Variants in PDSS2 observed in about 807,000 individuals in gnomAD.
PDSS2 encodes decaprenyl diphosphate synthase subunit 2, also known as all trans-polyprenyl-diphosphate synthase PDSS2.
A neutral mutation model predicts 44.5 loss-of-function variants in PDSS2; 31 were observed. The ratio of observed to expected loss-of-function variants is 0.70; its 90% CI spans 0.52 to 0.94. The LOEUF is 0.94. PDSS2 is among the 40% of genes least tolerant of loss of function. The pLI, the probability that PDSS2 is intolerant of heterozygous loss-of-function variation, is 0.00. For synonymous variants in PDSS2, 157 were observed against 180.3 expected, an observed-to-expected ratio of 0.87 and a Z score of 1.03; for missense variants, 452 against 482.2, an observed-to-expected ratio of 0.94 and a Z score of 0.59.
intron 2 of PDSS2, among the ~76,000 whole-genome samples, chr6:107,313,361 T>C (rs1777103601): frequency 6.6e-6 from 1 of 152,164 alleles, no homozygotes; most frequent in Non-Finnish European, 1.5e-5. Flanking sequence ...ACTTTATTTA[T>C]TTATTTATTG....
At chr6:107,341,308 GT>G (rs1205599867) in intron 1 of PDSS2, among the ~76,000 whole-genome samples, 1 of 152,196 alleles carries the variant, frequency 6.6e-6, no homozygotes, top group African/African-American at 2.4e-5. Context: ...ATTCCAACCT[GT>G]TTGCTGGAGG....
At chr6:107,362,352 G>A (rs891676901) in intron 1 of PDSS2, among the ~76,000 whole-genome samples, 3 of 152,212 alleles carry the variant, frequency 2.0e-5, no homozygotes, top group Non-Finnish European at 4.4e-5. Flanking sequence ...AAGTCTCACT[G>A]TCTTAAGGTG....
intron 4 of PDSS2, among the ~76,000 whole-genome samples, chr6:107,219,337 G>C (rs1695629520): frequency 6.6e-6 from 1 of 152,010 alleles, no homozygotes; most frequent in Admixed American, 6.6e-5. Context: ...ACCCAGGCTG[G>C]AGTGCAGTGG....
Position 107,299,013 on chromosome 6 carries a change from G to A in PDSS2, c.432-24786C>T, listed in dbSNP as rs548962802. On this transcript the variant is annotated intron_variant, in intron 2 of 7. Transcript: ENST00000369037. The stretch of plus-strand genomic sequence containing the variant: ...AAAAATTAGCTGGTGTGATGGCACA[G>A]GCCGGTAGTCCCAGCTATTAATACT... Among the ~76,000 whole-genome samples, 7 of 151,984 alleles carry A rather than the reference G, an allele frequency of 4.6e-5. 1 individual carries two copies. The East Asian group carries it at 1.4e-3, about 29-fold the overall frequency.
At position 107,450,494 on chromosome 6, in the gene PDSS2, A is replaced by T. The variant is rs148073843; in HGVS notation, c.296+8496T>A. Among the ~76,000 whole-genome samples, 782 of 152,322 alleles carry T rather than the reference A, an allele frequency of 5.1e-3. 2 individuals carry two copies. Among genetic ancestry groups the T allele is most frequent in the Non-Finnish European group, 7.8e-3 (533 of 68,028 alleles). ...AAATAAAGGATATAGGATTAAGTTA[A>T]GAAGGCCTTCATTCTCCACTCCAAA... On this transcript the variant is annotated intron_variant, in intron 1 of 7. Coordinates refer to ENST00000369037, the MANE Select transcript of PDSS2 (RefSeq NM_020381.4).
intron 1 of PDSS2, among the ~76,000 whole-genome samples, chr6:107,430,702 AG>A (rs1378485395): frequency 6.6e-6 from 1 of 151,748 alleles, no homozygotes; most frequent in Non-Finnish European, 1.5e-5. Context: ...CCAGCTACTC[AG>A]GAGGCTGAGG....
chr6:107,257,108 A>C (rs1299370848), intron 3 of PDSS2, among the ~76,000 whole-genome samples: 1 of 150,924 alleles, frequency 6.6e-6, no homozygotes, highest in African/African-American at 2.4e-5. Context: ...AGAACCTTGG[A>C]AGTGGAGGTT....
At chr6:107,372,514 C>T (rs1022443831) in intron 1 of PDSS2, among the ~76,000 whole-genome samples, 1 of 152,150 alleles carries the variant, frequency 6.6e-6, no homozygotes, top group Non-Finnish European at 1.5e-5. Context: ...GGCAGTTGCG[C>T]GATCTCGACT....
intron 1 of PDSS2, among the ~76,000 whole-genome samples, chr6:107,435,949 G>GAAAAAA (rs11458153): frequency 6.6e-6 from 1 of 150,870 alleles, no homozygotes; most frequent in Non-Finnish European, 1.5e-5. Context: ...CAAAAATTGC[G>GAAAAAA]AAAAAAAAAT....
chr6:107,210,859 G>GC (rs1291084443), intron 5 of PDSS2, among the ~76,000 whole-genome samples: 1 of 151,414 alleles, frequency 6.6e-6, no homozygotes, highest in South Asian at 2.1e-4. Flanking sequence ...CAAAAATTGG[G>GC]GGGGGTTTGC....
At chr6:107,255,863 A>G (rs1216889626) in intron 3 of PDSS2, among the ~76,000 whole-genome samples, 1 of 152,234 alleles carries the variant, frequency 6.6e-6, no homozygotes, top group Non-Finnish European at 1.5e-5. Context: ...AAACATGTAA[A>G]TGAAGTGAAG....
chr6:107,240,493 G>C (rs1457202460), intron 4 of PDSS2, among the ~76,000 whole-genome samples: 1 of 150,298 alleles, frequency 6.7e-6, no homozygotes, highest in Non-Finnish European at 1.5e-5. Context: ...CCACCTCCCA[G>C]GTTCAAGCGA....
chr6:107,366,888 G>A (rs1030416666), intron 1 of PDSS2, among the ~76,000 whole-genome samples: 4 of 151,996 alleles, frequency 2.6e-5, no homozygotes, highest in African/African-American at 4.8e-5. Flanking sequence ...AGGCCCAGGC[G>A]CAGATGGTTT....
intron 2 of PDSS2, 86 bp from the exon 3 acceptor site, chr6:107,274,313 T>C: frequency 2.8e-6 from 3 of 1,079,452 alleles, no homozygotes; most frequent in Middle Eastern, 2.7e-4. Context: ...CAATAAAATA[T>C]TCCATAGGTT....
intron 2 of PDSS2, among the ~76,000 whole-genome samples, chr6:107,282,891 A>ATT (rs909666228): frequency 7.0e-5 from 10 of 143,446 alleles, no homozygotes; most frequent in African/African-American, 1.3e-4. Flanking sequence ...AAAAAGAAGA[A>ATT]TTTTTTTTTT....
chr6:107,261,869 G>A (rs1218803210), intron 3 of PDSS2, among the ~76,000 whole-genome samples: 6 of 148,036 alleles, frequency 4.1e-5, no homozygotes, highest in Non-Finnish European at 7.4e-5. Flanking sequence ...GTGAGCCACC[G>A]TGCCTGGCCC....
intron 1 of PDSS2, among the ~76,000 whole-genome samples, chr6:107,417,781 ACAC>A (rs1780709678): frequency 3.1e-3 from 10 of 3,204 alleles, no homozygotes; most frequent in Non-Finnish European, 6.4e-3. Context: ...ATAATAATAC[ACAC>A]ACACACACAC....
intron 1 of PDSS2, among the ~76,000 whole-genome samples, chr6:107,393,813 GC>G (rs1268346147): frequency 1.3e-5 from 2 of 152,136 alleles, no homozygotes; most frequent in African/African-American, 4.8e-5. Context: ...AATTTCTTTT[GC>G]ACCAACATAA....
At position 107,229,139 on chromosome 6, in the gene PDSS2, A is replaced by G. The variant is rs147674748; in HGVS notation, c.702+16409T>C. Among the ~76,000 whole-genome samples, 26 of 152,168 alleles carry G rather than the reference A, an allele frequency of 1.7e-4. No homozygotes were observed. In the East Asian group the frequency reaches 4.8e-3, roughly 28 times the overall value. On this transcript the variant is annotated intron_variant, in intron 4 of 7. Transcript: ENST00000369037. The stretch of plus-strand genomic sequence containing the variant: ...ACAGCTTTTACATGTATATATAATT[A>G]AGACATTTTTAACTCCAAGGAAAAA...
Sources: gnomAD v4.1 joint callset for allele counts (sites outside exome capture counted in the v4.1 genomes callset) on GRCh38, gnomAD v4.1.1 for gene constraint, MANE v1.5 for transcripts, NCBI Gene and HGNC (gene_info 2026-07-23, HGNC 2026-07-21) for gene names.